The following C8A variants were observed in gnomAD, a reference collection of about 807,000 sequenced individuals.
The protein encoded by C8A is complement component C8 alpha chain.
Under a neutral mutation model 65.3 loss-of-function variants are expected in C8A, and 67 were observed. That is an observed-to-expected ratio of 1.03 (90% CI 0.84 to 1.26). The LOEUF (loss-of-function observed/expected upper bound fraction) is 1.26, where lower values mean the gene tolerates loss of function less well. Among genes scored for constraint, C8A ranks in the 50% most tolerant of loss-of-function variants. The pLI is 0.00. For missense variants in C8A, 781 were observed against 723.9 expected, an observed-to-expected ratio of 1.08 and a Z score of -0.90; for synonymous variants, 290 against 259.4, an observed-to-expected ratio of 1.12 and a Z score of -1.13.
intron 2 of C8A, among the ~76,000 whole-genome samples, chr1:56,874,266 G>A (rs530644406): frequency 6.6e-6 from 1 of 152,318 alleles, no homozygotes; most frequent in Non-Finnish European, 1.5e-5. Flanking sequence ...CTAGGCAGAT[G>A]TGATGCTTTG....
chr1:56,876,217 C>A lies in C8A; in HGVS notation c.464+8C>A. On this transcript the variant is annotated splice_region_variant and intron_variant, in intron 4 of 10. Transcript: ENST00000361249. ...ACAGAAGGCAGCCTTGGGGTGAGGC[C>A]CTGCCTACTAGCTATTTAGGAGCAG... 1 of 1,613,648 alleles carries A rather than the reference C, an allele frequency of 6.2e-7. No homozygotes were observed. Among genetic ancestry groups the A allele is most frequent in the Non-Finnish European group, 8.5e-7 (1 of 1,179,764 alleles).
intron 1 of C8A, among the ~76,000 whole-genome samples, chr1:56,862,169 C>T (rs568786172): frequency 8.5e-5 from 13 of 152,218 alleles, no homozygotes; most frequent in Admixed American, 2.0e-4. Flanking sequence ...GGCTTGTGCT[C>T]GAGATTTTAC....
At chr1:56,888,707 T>G (rs1010478755) in intron 7 of C8A, among the ~76,000 whole-genome samples, 1 of 152,178 alleles carries the variant, frequency 6.6e-6, no homozygotes, top group Non-Finnish European at 1.5e-5. Flanking sequence ...AAAACTTTAC[T>G]CAAGTGGGTC....
rs200084020 is a variant in C8A, at chr1:56,886,139, G to A, written c.1068G>A (p.Val356=). 1 of 1,614,000 alleles carries A rather than the reference G, an allele frequency of 6.2e-7. No homozygotes were observed. The change falls in exon 7 of 11, where the codon GTG becomes GTA. Residue 356 remains valine (V), a synonymous_variant. Coordinates refer to ENST00000361249, the MANE Select transcript of C8A (RefSeq NM_000562.3). ...SMGGIYEYIL[V]IDKAKMESLG... Reference sequence around the variant, plus strand: ...GTGGCATTTATGAATATATCCTGGTGATTGACAAAGCAAAAATGGAATCCC... The same window carrying A: ...GTGGCATTTATGAATATATCCTGGTAATTGACAAAGCAAAAATGGAATCCC...
At chr1:56,879,656 A>C (rs898344282) in intron 4 of C8A, among the ~76,000 whole-genome samples, 12 of 152,222 alleles carry the variant, frequency 7.9e-5, no homozygotes, top group African/African-American at 2.9e-4. Context: ...AATTTTTCTG[A>C]ACTTCAATTT....
chr1:56,896,453 T>C lies in C8A; in HGVS notation c.1097-10214T>C, dbSNP rs139697874. 2.5e-3 allele frequency among the ~76,000 whole-genome samples: 387 copies of C among 152,196 alleles called. 1 individual carries two copies. Among genetic ancestry groups the C allele is most frequent in the African/African-American group, 8.7e-3 (363 of 41,510 alleles). ...TGACATTTCCATTCAACATTTCCTG[T>C]CCAAGGGCAGGAAATGAAAGCCAAT... On this transcript the variant is annotated intron_variant, in intron 7 of 10. Transcript: ENST00000361249.
intron 1 of C8A, among the ~76,000 whole-genome samples, chr1:56,861,297 G>C (rs1557695604): frequency 6.6e-6 from 1 of 152,104 alleles, no homozygotes; most frequent in Non-Finnish European, 1.5e-5. Context: ...AAATAAATTA[G>C]GAACATCCTG....
At position 56,885,342 on chromosome 1, in the gene C8A, A is replaced by ATTTATT. The variant is rs1482333085; in HGVS notation, c.856-584_856-583insTTATTT. On this transcript the variant is annotated intron_variant, in intron 6 of 10. Transcript: ENST00000361249. ...TATATTTATTTAAATATATATTTACATAAATATATATTTATGTAAATATAT... is the reference window on the plus strand; with the variant it reads ...TATATTTATTTAAATATATATTTACATTTATTTAAATATATATTTATGTAAATATAT... Among the ~76,000 whole-genome samples the ATTTATT allele has an allele frequency of 2.0e-3, 190 of 94,704 alleles. 2 individuals carry two copies. The highest frequency in any genetic ancestry group is 3.3e-3 in the African/African-American group (87 of 26,518). The allele number at this position is 94,704 out of a possible 152,430, so 62.1% of individuals were successfully genotyped here.
At chr1:56,855,127 C>CA (rs1643960663) in intron 1 of C8A, 149 bp downstream of exon 1, 2 of 737,774 alleles carry the variant, frequency 2.7e-6, no homozygotes, top group Admixed American at 2.0e-5. Flanking sequence ...GAGGATGGGA[C>CA]AGTGAAAAGA....
rs1240305757 is a variant in C8A, at chr1:56,885,383, AAT to A, written c.856-537_856-536del. On this transcript the variant is annotated intron_variant, in intron 6 of 10. Transcript: ENST00000361249. ...GTAAATATATATTTATATTTATTTA[AAT>A]ATATATTTAAATAAATATATATTTA... 6.1e-5 allele frequency among the ~76,000 whole-genome samples: 6 copies of A among 98,106 alleles called. 1 individual carries two copies. The East Asian group carries it at 1.3e-3, about 21-fold the overall frequency. The allele number at this position is 98,106 out of a possible 152,430, so 64.4% of individuals were successfully genotyped here.
intron 3 of C8A, 104 bp from the exon 4 acceptor site, chr1:56,875,958 C>A: frequency 7.0e-7 from 1 of 1,433,948 alleles, no homozygotes; most frequent in Non-Finnish European, 9.6e-7. Context: ...GAGAATGGGA[C>A]AGATGGGAGG....
At chr1:56,912,144 C>G (rs1032225785) in intron 9 of C8A, among the ~76,000 whole-genome samples, 2 of 152,188 alleles carry the variant, frequency 1.3e-5, no homozygotes, top group African/African-American at 4.8e-5. Flanking sequence ...ACCCGATCTT[C>G]ATTATTATTT....
At chr1:56,861,518 C>T (rs1253013312) in intron 1 of C8A, among the ~76,000 whole-genome samples, 9 of 152,124 alleles carry the variant, frequency 5.9e-5, no homozygotes. Flanking sequence ...CCCCATGACC[C>T]AAACACCTCC....
intron 10 of C8A, 23 bp downstream of exon 10, chr1:56,912,648 C>T (rs560454031): frequency 6.2e-7 from 1 of 1,606,212 alleles, no homozygotes; most frequent in South Asian, 1.1e-5. Flanking sequence ...CATCCCCACC[C>T]AGTTCCAGCC....
chr1:56,899,349 C>T (rs565232078), intron 7 of C8A, among the ~76,000 whole-genome samples: 49 of 152,298 alleles, frequency 3.2e-4, no homozygotes, highest in African/African-American at 1.1e-3. Context: ...GCATACAGAA[C>T]GTGGTCTTTG....
intron 9 of C8A, among the ~76,000 whole-genome samples, 154 bp from the exon 10 acceptor site, chr1:56,912,249 T>C (rs1391641769): frequency 6.6e-6 from 1 of 152,322 alleles, no homozygotes; most frequent in East Asian, 1.9e-4. Context: ...TGTCACAGAA[T>C]GGCTGTGAGG....
At chr1:56,913,005 T>A (rs1754535) in intron 10 of C8A, among the ~76,000 whole-genome samples, 5,696 of 152,236 alleles carry the variant, frequency 0.037, 198 homozygotes, top group South Asian at 0.11. Context: ...GTTGGCTAGG[T>A]TGGTTCCTGC....
intron 7 of C8A, among the ~76,000 whole-genome samples, chr1:56,889,548 T>C (rs1242153085): frequency 1.3e-5 from 2 of 152,146 alleles, no homozygotes; most frequent in African/African-American, 4.8e-5. Flanking sequence ...TCTTTCCTCT[T>C]TGTCACTGTC....
chr1:56,897,867 G>T (rs2145404), intron 7 of C8A, among the ~76,000 whole-genome samples: 22,004 of 152,136 alleles, frequency 0.14, 1,967 homozygotes, highest in East Asian at 0.36. Flanking sequence ...GAACACAGGG[G>T]TGAGACACAC....
Sources: gnomAD v4.1 joint callset for allele counts (sites outside exome capture counted in the v4.1 genomes callset) on GRCh38, gnomAD v4.1.1 for gene constraint, MANE v1.5 for transcripts, NCBI Gene and HGNC (gene_info 2026-07-23, HGNC 2026-07-21) for gene names.